The following FER variants were observed in gnomAD, a reference collection of about 807,000 sequenced individuals.
The protein encoded by FER is FER tyrosine kinase.
In FER, 63 loss-of-function variants were observed where a neutral mutation model predicts 111.0. The ratio of observed to expected loss-of-function variants is 0.57; its 90% confidence interval spans 0.46 to 0.70. FER has a LOEUF of 0.70. Among genes scored for constraint, FER ranks in the 30% least tolerant of loss-of-function variants. FER has a pLI of 0.00. For missense variants in FER, 914 were observed against 954.0 expected, an observed-to-expected ratio of 0.96 and a Z score of 0.55; for synonymous variants, 327 against 313.9, an observed-to-expected ratio of 1.04 and a Z score of -0.44.
chr5:109,141,608 T>C (rs567788926), intron 17 of FER, among the ~76,000 whole-genome samples: 1 of 152,316 alleles, frequency 6.6e-6, no homozygotes, highest in East Asian at 1.9e-4. Context: ...CAGTAGCGAC[T>C]TAGGGACACT....
In FER at chr5:109,088,446, C is replaced by T. The variant is rs191304055; in HGVS notation, c.1925-11950C>T. Among the ~76,000 whole-genome samples the T allele has an allele frequency of 2.2e-3, 337 of 152,062 alleles. 4 individuals are homozygous for T. The highest frequency in any genetic ancestry group is 0.017 in the Middle Eastern group (5 of 294). On this transcript the variant is annotated intron_variant, in intron 16 of 19. Transcript: ENST00000281092. ...GGGAAATATTTAAGCAGGCATTTTCCTCCCTCTCAGGTACAAATAGAATCA... is the reference window on the plus strand; with the variant it reads ...GGGAAATATTTAAGCAGGCATTTTCTTCCCTCTCAGGTACAAATAGAATCA...
chr5:108,951,411 T>A (rs1296050214), intron 11 of FER, among the ~76,000 whole-genome samples: 1 of 152,180 alleles, frequency 6.6e-6, no homozygotes, highest in African/African-American at 2.4e-5. Flanking sequence ...GGCCAAATCT[T>A]AATCTAGTGC....
At chr5:109,137,330 C>T (rs1341278885) in intron 17 of FER, among the ~76,000 whole-genome samples, 1 of 152,314 alleles carries the variant, frequency 6.6e-6, no homozygotes, top group East Asian at 1.9e-4. Context: ...GGTCCACATA[C>T]CATGCAGTCA....
chr5:109,123,345 A>T (rs532493155), intron 17 of FER, among the ~76,000 whole-genome samples: 2 of 151,318 alleles, frequency 1.3e-5, no homozygotes, highest in East Asian at 1.9e-4. Flanking sequence ...TTTATTAGAG[A>T]CAGGGTTTCA....
chr5:108,969,222 A>T (rs1398225797), intron 13 of FER, among the ~76,000 whole-genome samples: 2 of 152,178 alleles, frequency 1.3e-5, no homozygotes, highest in Non-Finnish European at 2.9e-5. Context: ...AAGTTGTGTC[A>T]TTCCAAGGTT....
chr5:109,186,422 T>C lies in FER; in HGVS notation c.2326+100T>C, dbSNP rs932667219. 5 of 1,564,130 alleles carry C rather than the reference T, an allele frequency of 3.2e-6. No individual in the cohort carries two copies. In the African/African-American group the frequency reaches 5.4e-5, roughly 17 times the overall value. On this transcript the variant is annotated intron_variant, in intron 19 of 19. Transcript: ENST00000281092. Reference sequence around the variant, plus strand: ...GAGGAGGGGTGTGTTAAATACTGTTTGGTTGTGTTATGAGACCATCTCTGG... The same window carrying C: ...GAGGAGGGGTGTGTTAAATACTGTTCGGTTGTGTTATGAGACCATCTCTGG...
chr5:109,070,362 G>C (rs527769137), intron 16 of FER, among the ~76,000 whole-genome samples: 49 of 151,998 alleles, frequency 3.2e-4, no homozygotes, highest in Non-Finnish European at 6.5e-4. Flanking sequence ...CTGATTTGAG[G>C]AAACAGTATA....
chr5:109,052,435 C>G, intron 16 of FER: 3 of 1,426,172 alleles, frequency 2.1e-6, no homozygotes, highest in Non-Finnish European at 3.0e-6. Flanking sequence ...AAGGAGTTTG[C>G]CTAAAGTGCT....
chr5:108,930,045 A>G (rs927199780), intron 10 of FER, among the ~76,000 whole-genome samples: 24 of 152,094 alleles, frequency 1.6e-4, no homozygotes, highest in Non-Finnish European at 2.9e-5. Flanking sequence ...TGTTTTTTGT[A>G]CCTTTACACC....
intron 17 of FER, among the ~76,000 whole-genome samples, chr5:109,154,262 GA>G (rs1321092539): frequency 4.6e-5 from 7 of 151,874 alleles, no homozygotes; most frequent in Non-Finnish European, 1.0e-4. Flanking sequence ...AAAACTGAAG[GA>G]ACAGGGAAGA....
In FER at chr5:109,029,125, A is replaced by C. The variant is rs968494797; in HGVS notation, c.1657-8297A>C. Reference sequence around the variant, plus strand: ...GAGATAAGCAGAAACTGAATGAAACAGACCTACTTTGTTAAACTTTCCTCA... The same window carrying C: ...GAGATAAGCAGAAACTGAATGAAACCGACCTACTTTGTTAAACTTTCCTCA... On this transcript the variant is annotated intron_variant, in intron 13 of 19. Coordinates refer to ENST00000281092, the MANE Select transcript of FER (RefSeq NM_005246.4). Among the ~76,000 whole-genome samples, 6 of 152,180 alleles carry C rather than the reference A, an allele frequency of 3.9e-5. No homozygotes were observed. In the South Asian group the frequency reaches 1.2e-3, roughly 32 times the overall value.
chr5:109,083,592 A>G (rs1236500083), intron 16 of FER, among the ~76,000 whole-genome samples: 1 of 152,026 alleles, frequency 6.6e-6, no homozygotes, highest in Non-Finnish European at 1.5e-5. Context: ...TATCTAGTAA[A>G]CTTTTTGTTG....
chr5:109,183,863 A>G (rs886978985), intron 18 of FER, among the ~76,000 whole-genome samples: 2 of 152,212 alleles, frequency 1.3e-5, no homozygotes, highest in African/African-American at 4.8e-5. Flanking sequence ...AAATCAAGCA[A>G]TACTAAAGGG....
chr5:109,130,298 A>C (rs370542044), intron 17 of FER, among the ~76,000 whole-genome samples: 4 of 152,152 alleles, frequency 2.6e-5, no homozygotes, highest in African/African-American at 9.6e-5. Context: ...TTTGATGTTT[A>C]AGAGAAACCA....
intron 14 of FER, among the ~76,000 whole-genome samples, chr5:109,041,408 T>C (rs1771160332): frequency 6.6e-6 from 1 of 151,844 alleles, no homozygotes; most frequent in Non-Finnish European, 1.5e-5. Flanking sequence ...AACCGAAAGA[T>C]TGGCAGTTCC....
At chr5:108,950,112 A>G (rs1227341842) in intron 11 of FER, among the ~76,000 whole-genome samples, 1 of 152,098 alleles carries the variant, frequency 6.6e-6, no homozygotes, top group Non-Finnish European at 1.5e-5. Context: ...TGCTAAAGAT[A>G]GTGTCCCTTA....
At position 109,181,602 on chromosome 5, in the gene FER, T is replaced by C. The variant is rs375328271; in HGVS notation, c.2203+701T>C. ...AGCATATGAGCCATGGATTGGTGAATGGGTATGGTATGTTTTGAATAAAAA... is the reference window on the plus strand; with the variant it reads ...AGCATATGAGCCATGGATTGGTGAACGGGTATGGTATGTTTTGAATAAAAA... On this transcript the variant is annotated intron_variant, in intron 18 of 19. Coordinates refer to ENST00000281092, the MANE Select transcript of FER (RefSeq NM_005246.4). Among the ~76,000 whole-genome samples, 56 of 152,288 alleles carry C rather than the reference T, an allele frequency of 3.7e-4. No individual in the cohort carries two copies. In the South Asian group the frequency reaches 0.012, roughly 32 times the overall value.
chr5:109,104,143 G>A (rs962117670), intron 17 of FER, among the ~76,000 whole-genome samples: 7 of 152,080 alleles, frequency 4.6e-5, no homozygotes, highest in African/African-American at 1.4e-4. Flanking sequence ...CTTCATGTTT[G>A]GTTGCTCTAA....
intron 10 of FER, among the ~76,000 whole-genome samples, chr5:108,929,435 A>G (rs1238780552): frequency 6.6e-6 from 1 of 152,172 alleles, no homozygotes; most frequent in African/African-American, 2.4e-5. Context: ...GCTGGAATCT[A>G]GACATCTAAG....
Sources: allele counts gnomAD v4.1 joint callset (sites outside exome capture counted in the v4.1 genomes callset), GRCh38; gene constraint gnomAD v4.1.1; transcripts MANE v1.5; gene names NCBI Gene and HGNC (gene_info 2026-07-23, HGNC 2026-07-21).